STYXL2: variants seen among roughly 807,000 people sequenced by gnomAD.
STYXL2 encodes serine/threonine/tyrosine-interacting-like protein 2.
In STYXL2, 44 loss-of-function variants were observed where a neutral mutation model predicts 52.4. The ratio of observed to expected loss-of-function variants is 0.84; its 90% CI spans 0.66 to 1.08. The LOEUF (loss-of-function observed/expected upper bound fraction) is 1.08, where lower values mean the gene tolerates loss of function less well. Ranked by LOEUF, STYXL2 falls within the 50% of genes least tolerant of loss-of-function variation. STYXL2 has a pLI of 0.00. For missense variants in STYXL2, 1,604 were observed against 1,471.7 expected (o/e 1.09, Z -1.47); for synonymous variants, 604 against 586.9 (o/e 1.03, Z -0.42).
intron 5 of STYXL2, among the ~76,000 whole-genome samples, chr1:167,122,824 G>A (rs561877533): frequency 6.6e-5 from 10 of 152,080 alleles, no homozygotes; most frequent in Non-Finnish European, 1.5e-4. Context: ...CACCACTACT[G>A]CTCAGCTAAT....
chr1:167,128,321 A>G lies in STYXL2; in HGVS notation c.3190A>G (p.Arg1064Gly), dbSNP rs1668021402. 1 of 1,614,086 alleles carries G rather than the reference A, an allele frequency of 6.2e-7. No homozygotes were observed. The highest frequency in any genetic ancestry group is 1.3e-5 in the African/African-American group (1 of 75,068). Reference protein sequence around the residue: ...SPEPQRPNWARSRDWEDVEES... With the variant: ...SPEPQRPNWAGSRDWEDVEES... The stretch of plus-strand genomic sequence containing the variant: ...AGAACCACAGCGCCCAAATTGGGCC[A>G]GGTCCAGGGACTGGGAAGATGTGGA... Residue 1064 changes from arginine (R) to glycine (G), a missense_variant, in exon 6 of 6, where the codon AGG becomes GGG. Transcript: ENST00000361200.
At chr1:167,094,779 A>G in intron 1 of STYXL2, 55 bp from the exon 2 acceptor site, 2 of 1,297,630 alleles carry the variant, frequency 1.5e-6, no homozygotes, top group Non-Finnish European at 2.2e-6. Flanking sequence ...CTTCTCCCCC[A>G]ACAAAACCTC....
chr1:167,117,758 G>A (rs563941809), intron 4 of STYXL2, among the ~76,000 whole-genome samples, 199 bp downstream of exon 4: 27 of 152,260 alleles, frequency 1.8e-4, no homozygotes, highest in Non-Finnish European at 3.4e-4. Context: ...GCAAGATGCC[G>A]CCATGACTGC....
At chr1:167,115,243 A>G (rs1667701162) in intron 3 of STYXL2, among the ~76,000 whole-genome samples, 1 of 152,208 alleles carries the variant, frequency 6.6e-6, no homozygotes, top group Non-Finnish European at 1.5e-5. Context: ...GGCTATAGGG[A>G]GAGAAAAAAC....
At chr1:167,120,525 T>C (rs1667830292) in intron 5 of STYXL2, among the ~76,000 whole-genome samples, 1 of 152,148 alleles carries the variant, frequency 6.6e-6, no homozygotes, top group East Asian at 1.9e-4. Context: ...TATAATAATA[T>C]TGTTAATGAT....
chr1:167,126,051 C>T lies in STYXL2; in HGVS notation c.920C>T (p.Ala307Val), dbSNP rs764192757. Residue 307 changes from alanine to valine, a missense_variant, in exon 6 of 6, where the codon GCC becomes GTC. Physicochemically the swap from Ala to Val is moderately conservative, Grantham distance 64. Transcript: ENST00000361200. ...GAGGGCACTGGGAGCATGCTCGGGG[C>T]CAGAGTGCACGCCCTGACGGTGGAA... ...EGEGTGSMLG[A>V]RVHALTVEEE... 2 of 1,576,848 alleles carry T rather than the reference C, an allele frequency of 1.3e-6. No individual in the cohort carries two copies. Among genetic ancestry groups the T allele is most frequent in the Non-Finnish European group, 1.7e-6 (2 of 1,162,238 alleles).
Position 167,119,387 on chromosome 1 carries a change from T to TGACTTTCCTGAGGTGGAC in STYXL2, c.577_594dup (p.Asp193_Asp198dup), listed in dbSNP as rs770926123. Reference sequence around the variant, plus strand: ...TCCAGTACCTGGGTGTAGAGGTGGATGACTTTCCTGAGGTGGACATTTCCC... The same window carrying TGACTTTCCTGAGGTGGAC: ...TCCAGTACCTGGGTGTAGAGGTGGATGACTTTCCTGAGGTGGACGACTTTCCTGAGGTGGACATTTCCC... On this transcript the variant is annotated inframe_insertion, in exon 5 of 6. Coordinates refer to ENST00000361200, the MANE Select transcript of STYXL2 (RefSeq NM_001080426.3). 1 of 1,614,254 alleles carries TGACTTTCCTGAGGTGGAC rather than the reference T, an allele frequency of 6.2e-7. No individual in the cohort carries two copies. Among genetic ancestry groups the TGACTTTCCTGAGGTGGAC allele is most frequent in the Admixed American group, 1.7e-5 (1 of 60,028 alleles).
intron 5 of STYXL2, among the ~76,000 whole-genome samples, chr1:167,124,693 G>A (rs1316714622): frequency 6.6e-6 from 1 of 152,194 alleles, no homozygotes; most frequent in Non-Finnish European, 1.5e-5. Flanking sequence ...TTATCCTTAA[G>A]TTTAAAAATG....
At chr1:167,094,811 C>T in intron 1 of STYXL2, 23 bp from the exon 2 acceptor site, 2 of 1,546,040 alleles carry the variant, frequency 1.3e-6, no homozygotes, top group African/African-American at 2.7e-5. Context: ...TCCCTAACTG[C>T]CTTTTTCTTG....
intron 2 of STYXL2, among the ~76,000 whole-genome samples, chr1:167,097,164 T>C (rs1667303273): frequency 6.6e-6 from 1 of 152,228 alleles, no homozygotes; most frequent in Non-Finnish European, 1.5e-5. Context: ...GTCTTGCTTG[T>C]CCATTATCCT....
At chr1:167,096,761 T>C (rs748888506) in intron 2 of STYXL2, among the ~76,000 whole-genome samples, 32 of 152,300 alleles carry the variant, frequency 2.1e-4, no homozygotes, top group Non-Finnish European at 4.4e-4. Flanking sequence ...GTGTCGATAA[T>C]AGCAGTCTCA....
chr1:167,119,269 G>C lies in STYXL2; in HGVS notation c.458G>C (p.Gly153Ala), dbSNP rs775142133. The change falls in exon 5 of 6, where the codon GGG becomes GCG. Residue 153 changes from glycine (G) to alanine (A), a missense_variant. Transcript: ENST00000361200. ...IAEKSVAVNK[G>A]RLKRLGITHI... ...CGCAGGAGTGTGGCTGTGAACAAGG[G>C]GAGGCTGAAGAGGCTGGGAATCACC... is the stretch of plus-strand genomic sequence containing the variant. The C allele has an allele frequency of 2.5e-6, 4 of 1,614,214 alleles. No individual in the cohort carries two copies. The highest frequency in any genetic ancestry group is 3.4e-6 in the Non-Finnish European group (4 of 1,180,042).
chr1:167,128,362 A>T lies in STYXL2; in HGVS notation c.3231A>T (p.Ser1077=). 1 of 1,614,202 alleles carries T rather than the reference A, an allele frequency of 6.2e-7. No individual in the cohort carries two copies. Among genetic ancestry groups the T allele is most frequent in the Non-Finnish European group, 8.5e-7 (1 of 1,180,026 alleles). ...AAGATGTGGAAGAGTCATCCAAGTCAGACTTCTCTGAATTTGGAGCCAAGA... is the reference window on the plus strand; with the variant it reads ...AAGATGTGGAAGAGTCATCCAAGTCTGACTTCTCTGAATTTGGAGCCAAGA... ...DWEDVEESSK[S]DFSEFGAKRK... Residue 1077 remains serine, a synonymous_variant, in exon 6 of 6, where the codon TCA becomes TCT. Transcript: ENST00000361200.
In STYXL2 at chr1:167,126,620, GCC is replaced by G. The variant is rs1667975909; in HGVS notation, c.1490_1491del (p.Ala497GlufsTer22). 3 of 1,614,054 alleles carry G rather than the reference GCC, an allele frequency of 1.9e-6. No individual in the cohort carries two copies. Among genetic ancestry groups the G allele is most frequent in the Non-Finnish European group, 2.5e-6 (3 of 1,180,008 alleles). ...GAAGGAGGCTTCCCGGAGGTACCAC[GCC>G]AAGAGCAAGAGAGAGGAGGCGGCAG... The part of the protein sequence containing the change: ...IEKEASRRYH[A>X]KSKREEAADR... On this transcript the variant is annotated frameshift_variant, in exon 6 of 6. Transcript: ENST00000361200. LOFTEE classifies it low-confidence loss of function (END_TRUNC).
chr1:167,128,088 A>G lies in STYXL2; in HGVS notation c.2957A>G (p.Glu986Gly). Residue 986 changes from glutamate (E) to glycine (G), a missense_variant, in exon 6 of 6, where the codon GAG becomes GGG. Physicochemically the swap from Glu to Gly is moderately conservative, Grantham distance 98. Transcript: ENST00000361200. ...TACAAGTTTTCCAAATCCCAGTCAG[A>G]GGAACAGGACACCTCCTCCTACCAC... ...SSYKFSKSQS[E>G]EQDTSSYHEA... The G allele has an allele frequency of 1.2e-6, 2 of 1,614,230 alleles. No individual in the cohort carries two copies. The highest frequency in any genetic ancestry group is 1.7e-6 in the Non-Finnish European group (2 of 1,180,042).
chr1:167,121,853 G>T (rs927065761), intron 5 of STYXL2, among the ~76,000 whole-genome samples: 1 of 152,212 alleles, frequency 6.6e-6, no homozygotes, highest in Non-Finnish European at 1.5e-5. Flanking sequence ...TCCCTGCCAG[G>T]CAGCGAAAGG....
intron 2 of STYXL2, among the ~76,000 whole-genome samples, chr1:167,108,146 C>A (rs1312580268): frequency 2.0e-5 from 3 of 152,144 alleles, no homozygotes; most frequent in Admixed American, 6.5e-5. Flanking sequence ...GACACCTGGC[C>A]CAGCCTTACC....
Position 167,126,847 on chromosome 1 carries a change from AGAG to A in STYXL2, c.1721_1723del (p.Glu574del). On this transcript the variant is annotated inframe_deletion, in exon 6 of 6. Coordinates refer to ENST00000361200, the MANE Select transcript of STYXL2 (RefSeq NM_001080426.3). ...GAGACAGCAGCGGTGAGCCCGGTGC[AGAG>A]GAGGCAGTAGGGGAGAAGAACCCCT... is the stretch of plus-strand genomic sequence containing the variant. The A allele has an allele frequency of 1.9e-6, 3 of 1,614,154 alleles. No homozygotes were observed. Among genetic ancestry groups the A allele is most frequent in the Non-Finnish European group, 2.5e-6 (3 of 1,179,994 alleles).
chr1:167,103,051 C>T (rs528944139), intron 2 of STYXL2, among the ~76,000 whole-genome samples: 139 of 151,992 alleles, frequency 9.1e-4, no homozygotes, highest in African/African-American at 3.1e-3. Flanking sequence ...AGGGAAGACT[C>T]CTTCCTTGTC....
Sources: allele counts gnomAD v4.1 joint callset (sites outside exome capture counted in the v4.1 genomes callset), GRCh38; gene constraint gnomAD v4.1.1; transcripts MANE v1.5; gene names NCBI Gene and HGNC (gene_info 2026-07-23, HGNC 2026-07-21).